PDE3A: variants seen among roughly 807,000 people sequenced by gnomAD.
The protein encoded by PDE3A is phosphodiesterase 3A.
In PDE3A, 43 loss-of-function variants were observed where a neutral mutation model predicts 98.3. The ratio of observed to expected loss-of-function variants is 0.44; its 90% CI spans 0.34 to 0.56. PDE3A has a LOEUF of 0.56. PDE3A is among the 20% of genes least tolerant of loss of function. The pLI is 0.01. For synonymous variants in PDE3A, 663 were observed against 567.9 expected (o/e 1.17, Z -2.38); for missense variants, 1,427 against 1,440.7 (o/e 0.99, Z 0.15).
intron 1 of PDE3A, among the ~76,000 whole-genome samples, chr12:20,444,021 A>C (rs1046670042): frequency 6.6e-6 from 1 of 152,178 alleles, no homozygotes; most frequent in Non-Finnish European, 1.5e-5. Flanking sequence ...TTTATATAGC[A>C]GGAAGTTAAG....
At position 20,446,410 on chromosome 12, in the gene PDE3A, G is replaced by A. The variant is rs10841531; in HGVS notation, c.960+76166G>A. 2.3e-3 allele frequency among the ~76,000 whole-genome samples: 345 copies of A among 152,138 alleles called. 1 individual carries two copies. Among genetic ancestry groups the A allele is most frequent in the African/African-American group, 7.9e-3 (328 of 41,506 alleles). ...TTCTGCTTTCCTCGAGCTTCATTAT[G>A]TGTTAGATTTCATGGTATCTAAGCC... On this transcript the variant is annotated intron_variant, in intron 1 of 15. Transcript: ENST00000359062.
intron 15 of PDE3A, among the ~76,000 whole-genome samples, chr12:20,654,751 A>G (rs1272563106): frequency 7.4e-6 from 1 of 134,428 alleles, no homozygotes; most frequent in Non-Finnish European, 1.5e-5. Flanking sequence ...TGACCTTGTG[A>G]TCTGCCTGCC....
rs759567815 is a variant in PDE3A at position 20,621,329 on chromosome 12, C to T, written c.1458C>T (p.Thr486=). Residue 486 remains threonine, a synonymous_variant, in exon 5 of 16, where the codon ACC becomes ACT. Coordinates refer to ENST00000359062, the MANE Select transcript of PDE3A (RefSeq NM_000921.5). ...PDSWNNPVMM[T]LTKSRSFTSS... is the part of the protein sequence containing the mutation. ...CTTGGAATAATCCAGTGATGATGAC[C>T]CTCACCAAAAGCAGATCCTTTACTT... is the stretch of plus-strand genomic sequence containing the variant. The T allele has an allele frequency of 1.9e-6, 3 of 1,608,306 alleles. No homozygotes were observed. The highest frequency in any genetic ancestry group is 1.7e-6 in the Non-Finnish European group (2 of 1,175,080).
intron 1 of PDE3A, among the ~76,000 whole-genome samples, chr12:20,407,895 T>C (rs1038723850): frequency 6.6e-6 from 1 of 152,052 alleles, no homozygotes; most frequent in African/African-American, 2.4e-5. Flanking sequence ...TGTACTGAAG[T>C]GTAGTAAAAT....
chr12:20,460,724 T>G (rs1417949217), intron 1 of PDE3A, among the ~76,000 whole-genome samples: 1 of 152,184 alleles, frequency 6.6e-6, no homozygotes, highest in Non-Finnish European at 1.5e-5. Context: ...AAAGATGGCT[T>G]CAGCCTGATT....
intron 1 of PDE3A, among the ~76,000 whole-genome samples, chr12:20,399,240 C>T (rs1944077483): frequency 6.6e-6 from 1 of 152,050 alleles, no homozygotes; most frequent in Non-Finnish European, 1.5e-5. Context: ...ACTTGGGTTG[C>T]TTTCACTTTT....
At chr12:20,520,777 C>T (rs1946408937) in intron 1 of PDE3A, among the ~76,000 whole-genome samples, 1 of 152,150 alleles carries the variant, frequency 6.6e-6, no homozygotes, top group African/African-American at 2.4e-5. Flanking sequence ...GGAATGGGGT[C>T]AGAGTCAGGC....
intron 1 of PDE3A, among the ~76,000 whole-genome samples, chr12:20,384,597 T>C (rs1384367325): frequency 1.3e-5 from 2 of 151,946 alleles, no homozygotes; most frequent in Non-Finnish European, 2.9e-5. Context: ...GGTAAACATA[T>C]ACTATGGTGC....
intron 1 of PDE3A, among the ~76,000 whole-genome samples, chr12:20,499,390 C>T (rs996107562): frequency 5.9e-5 from 9 of 151,966 alleles, no homozygotes; most frequent in Non-Finnish European, 8.8e-5. Context: ...ATAAGGATGC[C>T]GATTACAATT....
chr12:20,483,345 C>G (rs12372360), intron 1 of PDE3A, among the ~76,000 whole-genome samples: 44,114 of 151,980 alleles, frequency 0.29, 7,141 homozygotes, highest in Non-Finnish European at 0.36. Flanking sequence ...GCCGAGATCG[C>G]ACCACTGCAC....
chr12:20,391,455 A>G (rs909702129), intron 1 of PDE3A, among the ~76,000 whole-genome samples: 5 of 149,988 alleles, frequency 3.3e-5, no homozygotes, highest in Admixed American at 1.3e-4. Flanking sequence ...ACTCTGGATC[A>G]AGGGTCCGGA....
chr12:20,608,455 G>A (rs1277240414), intron 2 of PDE3A, among the ~76,000 whole-genome samples: 2 of 151,908 alleles, frequency 1.3e-5, no homozygotes, highest in Non-Finnish European at 2.9e-5. Flanking sequence ...TTGTCTCTCG[G>A]CTTGAATGTT....
At chr12:20,426,018 T>C (rs1363616446) in intron 1 of PDE3A, among the ~76,000 whole-genome samples, 5 of 152,190 alleles carry the variant, frequency 3.3e-5, no homozygotes, top group Non-Finnish European at 7.4e-5. Context: ...GCTCTTAGAA[T>C]AGGGACTGGC....
intron 11 of PDE3A, 52 bp from the exon 12 acceptor site, chr12:20,646,699 T>C: frequency 7.0e-7 from 1 of 1,431,304 alleles, no homozygotes; most frequent in Non-Finnish European, 9.8e-7. Flanking sequence ...TCAAGACAAA[T>C]AATGTCAGTA....
intron 1 of PDE3A, among the ~76,000 whole-genome samples, chr12:20,411,287 G>A (rs1449629897): frequency 6.6e-6 from 1 of 152,036 alleles, no homozygotes; most frequent in Non-Finnish European, 1.5e-5. Context: ...TACCCACTAA[G>A]AAATTACTCC....
chr12:20,460,377 A>C (rs1022665890), intron 1 of PDE3A, among the ~76,000 whole-genome samples: 1 of 152,200 alleles, frequency 6.6e-6, no homozygotes, highest in Non-Finnish European at 1.5e-5. Context: ...CAATAATGTC[A>C]ATTCATTGGC....
chr12:20,428,652 T>G (rs1469863746), intron 1 of PDE3A, among the ~76,000 whole-genome samples: 1 of 152,152 alleles, frequency 6.6e-6, no homozygotes, highest in Non-Finnish European at 1.5e-5. Context: ...AAAAACAGAA[T>G]ATAGGCCACT....
At chr12:20,478,801 C>G (rs1013813673) in intron 1 of PDE3A, among the ~76,000 whole-genome samples, 1 of 152,070 alleles carries the variant, frequency 6.6e-6, no homozygotes, top group African/African-American at 2.4e-5. Flanking sequence ...ATTATTAATT[C>G]TAATGTAAAA....
intron 1 of PDE3A, among the ~76,000 whole-genome samples, chr12:20,537,500 C>T (rs1941777148): frequency 6.6e-6 from 1 of 151,872 alleles, no homozygotes; most frequent in South Asian, 2.1e-4. Context: ...TTCGTATTTT[C>T]TGAAATTATT....
Sources: gnomAD v4.1 joint callset for allele counts (sites outside exome capture counted in the v4.1 genomes callset) on GRCh38, gnomAD v4.1.1 for gene constraint, MANE v1.5 for transcripts, NCBI Gene and HGNC (gene_info 2026-07-23, HGNC 2026-07-21) for gene names.